PRKN: variants seen among roughly 807,000 people sequenced by gnomAD.
The protein encoded by PRKN is E3 ubiquitin-protein ligase parkin.
Under a neutral mutation model 59.5 loss-of-function variants are expected in PRKN, and 56 were observed. The observed-to-expected ratio is 0.94, with a 90% CI of 0.76 to 1.18. The LOEUF (loss-of-function observed/expected upper bound fraction) is 1.18. PRKN is among the 50% of genes most tolerant of loss of function. The pLI is 0.00. For missense variants in PRKN, 657 were observed against 596.4 expected, an observed-to-expected ratio of 1.10 and a Z score of -1.06; for synonymous variants, 250 against 222.1, an observed-to-expected ratio of 1.13 and a Z score of -1.12.
At chr6:162,717,297 CTGGGCACAG>C (rs1221072626) in intron 1 of PRKN, among the ~76,000 whole-genome samples, 1 of 152,082 alleles carries the variant, frequency 6.6e-6, no homozygotes, top group Non-Finnish European at 1.5e-5. Context: ...CACTTTGGGG[CTGGGCACAG>C]TGGCTCACAC....
chr6:161,726,042 A>G (rs189511389), intron 7 of PRKN, among the ~76,000 whole-genome samples: 1 of 152,324 alleles, frequency 6.6e-6, no homozygotes, highest in African/African-American at 2.4e-5. Flanking sequence ...AAATGAGGGC[A>G]CTGACTTCAC....
chr6:161,559,892 A>G (rs1357391737), intron 8 of PRKN, among the ~76,000 whole-genome samples: 1 of 152,208 alleles, frequency 6.6e-6, no homozygotes, highest in Non-Finnish European at 1.5e-5. Flanking sequence ...GAAATGGACA[A>G]GCCTCTAACA....
chr6:162,550,893 G>C (rs1424402291), intron 1 of PRKN, among the ~76,000 whole-genome samples: 1 of 152,122 alleles, frequency 6.6e-6, no homozygotes, highest in East Asian at 1.9e-4. Flanking sequence ...TTCAGGTCCT[G>C]GTGAGAAGAC....
chr6:161,506,155 C>T (rs531555744), intron 9 of PRKN, among the ~76,000 whole-genome samples: 11,038 of 149,232 alleles, frequency 0.074, 562 homozygotes, highest in African/African-American at 0.14. Flanking sequence ...TTCCTACCCA[C>T]GAGCATGGAA....
At chr6:161,895,582 G>C (rs1299713814) in intron 6 of PRKN, among the ~76,000 whole-genome samples, 3 of 111,670 alleles carry the variant, frequency 2.7e-5, no homozygotes, top group Admixed American at 9.8e-5. Context: ...ATACACCCCA[G>C]TGAGGCTTCT....
chr6:162,306,820 T>G (rs557980243), intron 2 of PRKN, among the ~76,000 whole-genome samples: 3 of 152,128 alleles, frequency 2.0e-5, no homozygotes, highest in South Asian at 4.1e-4. Context: ...TAAGAGCAAC[T>G]GTTTCAAAGG....
chr6:162,295,411 G>A (rs6929824), intron 2 of PRKN, among the ~76,000 whole-genome samples: 7 of 152,024 alleles, frequency 4.6e-5, no homozygotes, highest in Admixed American at 3.9e-4. Flanking sequence ...TTACACAAAA[G>A]GCCTGACATG....
rs1433079830 is a variant in PRKN, at chr6:161,390,380, T to A, written c.1084-3503A>T. 6.6e-6 allele frequency among the ~76,000 whole-genome samples: 1 copy of A among 152,258 alleles called. No homozygotes were observed. The highest frequency in any genetic ancestry group is 1.5e-5 in the Non-Finnish European group (1 of 68,044). ...TTCCCAGTGTTAATGTAGATTGTGCTATTTTCCTTTTGGTGACATTGTATC... is the reference window on the plus strand; with the variant it reads ...TTCCCAGTGTTAATGTAGATTGTGCAATTTTCCTTTTGGTGACATTGTATC... On this transcript the variant is annotated intron_variant, in intron 9 of 11. Coordinates refer to ENST00000366898, the MANE Select transcript of PRKN (RefSeq NM_004562.3). This position sits in a 1 kb window ranked among gnomAD's most constrained non-coding sequence, Gnocchi z 7.0.
intron 9 of PRKN, among the ~76,000 whole-genome samples, chr6:161,532,688 C>T (rs747168079): frequency 7.2e-5 from 11 of 152,122 alleles, no homozygotes; most frequent in East Asian, 1.9e-4. Context: ...ACGGGAGAGA[C>T]GCCCACGTGG....
At position 161,484,149 on chromosome 6, in the gene PRKN, A is replaced by C. The variant is rs1413220221; in HGVS notation, c.1083+64705T>G. On this transcript the variant is annotated intron_variant, in intron 9 of 11. Transcript: ENST00000366898. The surrounding 1 kb of genome is among the most constrained non-coding windows in gnomAD (Gnocchi z 4.9). ...ACGTTTACCTATATAACAAACCTGC[A>C]CATCCTGCACATGTACCCCTGAACT... Among the ~76,000 whole-genome samples, 1 of 152,164 alleles carries C rather than the reference A, an allele frequency of 6.6e-6. No individual in the cohort carries two copies. The highest frequency in any genetic ancestry group is 1.5e-5 in the Non-Finnish European group (1 of 68,040).
chr6:162,107,001 G>T (rs1780216456), intron 4 of PRKN, among the ~76,000 whole-genome samples: 1 of 152,182 alleles, frequency 6.6e-6, no homozygotes, highest in South Asian at 2.1e-4. Flanking sequence ...ATACACATGA[G>T]GAGCTCGGTG....
intron 1 of PRKN, among the ~76,000 whole-genome samples, chr6:162,593,654 G>A (rs904772074): frequency 2.0e-5 from 3 of 152,136 alleles, no homozygotes; most frequent in African/African-American, 4.8e-5. Flanking sequence ...ATGAAAGGGT[G>A]TGTACCAGGA....
chr6:162,255,093 A>G (rs563268073), intron 3 of PRKN, among the ~76,000 whole-genome samples: 1 of 143,266 alleles, frequency 7.0e-6, no homozygotes, highest in Non-Finnish European at 1.6e-5. Context: ...AAAATAAAAT[A>G]AAATAAAATA....
At chr6:161,722,288 G>A (rs908508295) in intron 7 of PRKN, among the ~76,000 whole-genome samples, 6 of 152,086 alleles carry the variant, frequency 3.9e-5, no homozygotes, top group Admixed American at 6.6e-5. Flanking sequence ...TGATTTTTAC[G>A]TAACTGGATT....
At position 161,414,758 on chromosome 6, in the gene PRKN, C is replaced by T. The variant is rs142941727; in HGVS notation, c.1084-27881G>A. Among the ~76,000 whole-genome samples the T allele has an allele frequency of 1.7e-3, 255 of 152,280 alleles. No individual in the cohort carries two copies. Among genetic ancestry groups the T allele is most frequent in the Non-Finnish European group, 2.7e-3 (184 of 68,026 alleles). On this transcript the variant is annotated intron_variant, in intron 9 of 11. Transcript: ENST00000366898. This position sits in a 1 kb window ranked among gnomAD's most constrained non-coding sequence, Gnocchi z 5.3. ...ATGAAAGGCACATTATGCTTCTCCACCAGAGGAGGGTCTCCGCAGGCAGGG... is the reference window on the plus strand; with the variant it reads ...ATGAAAGGCACATTATGCTTCTCCATCAGAGGAGGGTCTCCGCAGGCAGGG...
In PRKN at chr6:161,386,550, G is replaced by A. The variant is rs1430157890; in HGVS notation, c.1167+244C>T. Among the ~76,000 whole-genome samples the A allele has an allele frequency of 6.6e-6, 1 of 152,192 alleles. No individual in the cohort carries two copies. Among genetic ancestry groups the A allele is most frequent in the East Asian group, 1.9e-4 (1 of 5,196 alleles). On this transcript the variant is annotated intron_variant, in intron 10 of 11. Coordinates refer to ENST00000366898, the MANE Select transcript of PRKN (RefSeq NM_004562.3). The surrounding 1 kb of genome is among the most constrained non-coding windows in gnomAD (Gnocchi z 4.3). ...GAAAATGCTCACATGCCTTGTCCCT[G>A]TTCCATATCTGCCCAGGGAAAAGCT...
intron 9 of PRKN, among the ~76,000 whole-genome samples, chr6:161,427,762 T>C (rs78307368): frequency 2.8e-4 from 42 of 152,238 alleles, no homozygotes; most frequent in African/African-American, 4.1e-4. Flanking sequence ...CATAATCCCA[T>C]GTATCAAGTG....
rs1282308948 is a variant in PRKN, at chr6:161,836,161, T to C, written c.735-50253A>G. 5.3e-5 allele frequency among the ~76,000 whole-genome samples: 8 copies of C among 152,304 alleles called. No individual in the cohort carries two copies. The South Asian group carries it at 1.7e-3, about 32-fold the overall frequency. ...TACAGCCAGCTTTGGGGGTGCTAAA[T>C]CTGTGCATTTTTCAAGCCTCAGTAG... On this transcript the variant is annotated intron_variant, in intron 6 of 11. Coordinates refer to ENST00000366898, the MANE Select transcript of PRKN (RefSeq NM_004562.3).
rs1337498518 is a variant in PRKN, at chr6:161,390,895, T to G, written c.1084-4018A>C. ...GTCGTTATGACATTAATTCTTACTATGCTACGTGGTACAAAACCTTTCATA... is the reference window on the plus strand; with the variant it reads ...GTCGTTATGACATTAATTCTTACTAGGCTACGTGGTACAAAACCTTTCATA... On this transcript the variant is annotated intron_variant, in intron 9 of 11. Transcript: ENST00000366898. This position sits in a 1 kb window ranked among gnomAD's most constrained non-coding sequence, Gnocchi z 7.0. Among the ~76,000 whole-genome samples, 11 of 152,316 alleles carry G rather than the reference T, an allele frequency of 7.2e-5. No individual in the cohort carries two copies. Among genetic ancestry groups the G allele is most frequent in the African/African-American group, 2.6e-4 (11 of 41,548 alleles).
Sources: gnomAD v4.1 joint callset for allele counts (sites outside exome capture counted in the v4.1 genomes callset) on GRCh38, gnomAD v4.1.1 for gene constraint, Gnocchi (gnomAD v3.1) non-coding constraint, MANE v1.5 for transcripts, NCBI Gene and HGNC (gene_info 2026-07-23, HGNC 2026-07-21) for gene names.